ATF1: variants seen among roughly 807,000 people sequenced by gnomAD.
The protein encoded by ATF1 is cyclic AMP-dependent transcription factor ATF-1.
A neutral mutation model predicts 34.7 loss-of-function variants in ATF1; 16 were observed. The observed-to-expected ratio is 0.46, with a 90% CI of 0.31 to 0.70. The LOEUF is 0.70. ATF1 is among the 30% of genes least tolerant of loss of function. ATF1 has a pLI of 0.05. For missense variants in ATF1, 255 were observed against 321.6 expected, an observed-to-expected ratio of 0.79 and a Z score of 1.58; for synonymous variants, 105 against 113.1, an observed-to-expected ratio of 0.93 and a Z score of 0.46.
chr12:50,812,355 G>A (rs930109144), intron 4 of ATF1, among the ~76,000 whole-genome samples: 2 of 152,148 alleles, frequency 1.3e-5, no homozygotes, highest in African/African-American at 4.8e-5. Flanking sequence ...TGGGAAGGAT[G>A]TGCACCAAAA....
chr12:50,787,152 A>G (rs1941202368), intron 2 of ATF1, among the ~76,000 whole-genome samples: 1 of 152,196 alleles, frequency 6.6e-6, no homozygotes, highest in South Asian at 2.1e-4. Context: ...CTGAAGATAA[A>G]TACTATTTAC....
intron 1 of ATF1, among the ~76,000 whole-genome samples, chr12:50,777,305 C>T (rs1175450981): frequency 2.0e-5 from 3 of 152,218 alleles, no homozygotes; most frequent in East Asian, 3.9e-4. Context: ...AGAAATTAGA[C>T]AATAATGTGA....
intron 2 of ATF1, among the ~76,000 whole-genome samples, chr12:50,791,304 C>G (rs1451122612): frequency 6.6e-6 from 1 of 152,138 alleles, no homozygotes; most frequent in Non-Finnish European, 1.5e-5. Context: ...GCCTGTAATC[C>G]TAGCACTTTG....
intron 1 of ATF1, among the ~76,000 whole-genome samples, chr12:50,772,336 T>C (rs1055734544): frequency 9.8e-6 from 1 of 102,066 alleles, no homozygotes; most frequent in South Asian, 3.0e-4. Context: ...TTTTTTTTTT[T>C]CTTTTTTGAG....
chr12:50,790,800 G>A (rs1417946175), intron 2 of ATF1, among the ~76,000 whole-genome samples: 3 of 151,878 alleles, frequency 2.0e-5, no homozygotes, highest in African/African-American at 7.3e-5. Flanking sequence ...CCACAGACTG[G>A]GAGACAGGGA....
At chr12:50,802,632 G>A (rs1021454350) in intron 3 of ATF1, among the ~76,000 whole-genome samples, 2 of 152,004 alleles carry the variant, frequency 1.3e-5, no homozygotes, top group South Asian at 4.1e-4. Flanking sequence ...CAGCACTTTG[G>A]GAGGTCAAGG....
At chr12:50,772,039 T>G (rs1053920028) in intron 1 of ATF1, among the ~76,000 whole-genome samples, 1 of 152,186 alleles carries the variant, frequency 6.6e-6, no homozygotes, top group African/African-American at 2.4e-5. Context: ...CTTTTATTCC[T>G]TTACTTTCTT....
intron 6 of ATF1, among the ~76,000 whole-genome samples, chr12:50,817,095 A>AATT (rs747925983): frequency 2.0e-5 from 3 of 152,174 alleles, no homozygotes; most frequent in Non-Finnish European, 4.4e-5. Context: ...CCATTTTGGA[A>AATT]ATTAGGCCTT....
intron 1 of ATF1, among the ~76,000 whole-genome samples, chr12:50,772,213 C>T (rs769715723): frequency 7.9e-5 from 12 of 151,970 alleles, no homozygotes; most frequent in Non-Finnish European, 1.3e-4. Flanking sequence ...GCGATCCTAT[C>T]GCTTAAGGGT....
At chr12:50,780,335 G>T in intron 2 of ATF1, 97 bp downstream of exon 2, 14 of 1,169,946 alleles carry the variant, frequency 1.2e-5, no homozygotes, top group East Asian at 2.7e-5. Context: ...TTTTATTTTG[G>T]TTTTTGTTTT....
rs1205364406 is a variant in ATF1, at chr12:50,814,202, C to T, written c.511+10C>T. ...CAGGTGGTCGTACAAAGTAAGTATG[C>T]TTTCTGTCTACAGAAAGTCTCCTAA... On this transcript the variant is annotated intron_variant, in intron 5 of 6. Transcript: ENST00000262053. 3 of 1,613,382 alleles carry T rather than the reference C, an allele frequency of 1.9e-6. No individual in the cohort carries two copies. The highest frequency in any genetic ancestry group is 2.5e-6 in the Non-Finnish European group (3 of 1,179,534).
In ATF1 at chr12:50,820,855, G is replaced by C. The variant is rs1046420434; in HGVS notation, c.*1076G>C. On this transcript the variant is annotated 3_prime_UTR_variant, in exon 7 of 7. Transcript: ENST00000262053. ...TAAATTCTAATGTTGAGTTTTTAAT[G>C]ATTATTTTAAATGTTTATATAGTTT... is the stretch of plus-strand genomic sequence containing the variant. The C allele has an allele frequency of 3.9e-5, 7 of 178,412 alleles. No individual in the cohort carries two copies. The highest frequency in any genetic ancestry group is 1.9e-4 in the Admixed American group (3 of 15,840). The allele number at this position is 178,412 out of a possible 1,614,324, so 11.1% of individuals were successfully genotyped here.
At chr12:50,785,296 C>T (rs10459222) in intron 2 of ATF1, among the ~76,000 whole-genome samples, 3 of 18,958 alleles carry the variant, frequency 1.6e-4, no homozygotes, top group Admixed American at 7.0e-4. Context: ...CACACACACA[C>T]ACACACACAC....
rs571646153 is a variant in ATF1 at position 50,781,750 on chromosome 12, C to CA, written c.93+1518dup. 8.7e-3 allele frequency among the ~76,000 whole-genome samples: 1,317 copies of CA among 151,844 alleles called. 22 individuals are homozygous for CA. The highest frequency in any genetic ancestry group is 0.03 in the African/African-American group (1,246 of 41,378). ...ACAGGCGTGAGCCACCGTGCCCGGC[C>CA]AAAAAATTTTAAAAATTAGCTGGGT... On this transcript the variant is annotated intron_variant, in intron 2 of 6. Coordinates refer to ENST00000262053, the MANE Select transcript of ATF1 (RefSeq NM_005171.5).
intron 1 of ATF1, among the ~76,000 whole-genome samples, chr12:50,765,472 T>C (rs112612859): frequency 1.2e-4 from 18 of 152,350 alleles, no homozygotes; most frequent in African/African-American, 4.3e-4. Flanking sequence ...CCCTTCTGAC[T>C]TTAAATATAG....
rs764767928 is a variant in ATF1 at position 50,814,057 on chromosome 12, G to T, written c.376G>T (p.Asp126Tyr). ...CTTACAGTTGGCAAGTCCAGGCACA[G>T]ATGGAGTACAGGGACTTCAGACATT... ...GALQLASPGT[D>Y]GVQGLQTLTM... The change falls in exon 5 of 7, where the codon GAT becomes TAT. Residue 126 changes from aspartate (D) to tyrosine (Y), a missense_variant. Transcript: ENST00000262053. 1 of 1,614,058 alleles carries T rather than the reference G, an allele frequency of 6.2e-7. No homozygotes were observed. Among genetic ancestry groups the T allele is most frequent in the African/African-American group, 1.3e-5 (1 of 74,920 alleles).
intron 2 of ATF1, among the ~76,000 whole-genome samples, chr12:50,791,440 CAGCT>C (rs1223544459): frequency 1.3e-5 from 2 of 152,078 alleles, no homozygotes; most frequent in Non-Finnish European, 2.9e-5. Flanking sequence ...CCTGTAATCC[CAGCT>C]ACTCTGGAGG....
intron 2 of ATF1, among the ~76,000 whole-genome samples, chr12:50,789,083 G>GTTT (rs986277342): frequency 6.9e-6 from 1 of 145,562 alleles, no homozygotes; most frequent in Non-Finnish European, 1.5e-5. Flanking sequence ...TTTTTTTGTT[G>GTTT]TTTTTTTTTT....
chr12:50,794,442 G>A (rs558507822), intron 2 of ATF1, among the ~76,000 whole-genome samples: 2 of 151,602 alleles, frequency 1.3e-5, no homozygotes, highest in Non-Finnish European at 2.9e-5. Flanking sequence ...GCACGTGGCT[G>A]TAATCCCAGC....
Sources: gnomAD v4.1 joint callset for allele counts (sites outside exome capture counted in the v4.1 genomes callset) on GRCh38, gnomAD v4.1.1 for gene constraint, MANE v1.5 for transcripts, NCBI Gene and HGNC (gene_info 2026-07-23, HGNC 2026-07-21) for gene names.